The following OLFM2 variants were observed in gnomAD, a reference collection of about 807,000 sequenced individuals.
The protein encoded by OLFM2 is noelin-2.
OLFM2 carries 20 observed loss-of-function variants against 43.9 expected under a neutral mutation model. The observed-to-expected ratio is 0.46, with a 90% CI of 0.32 to 0.66. The LOEUF is 0.66. Ranked by LOEUF, OLFM2 falls within the 30% of genes least tolerant of loss-of-function variation. The pLI, the probability that OLFM2 is intolerant of heterozygous loss-of-function variation, is 0.04. For missense variants in OLFM2, 416 were observed against 643.6 expected (o/e 0.65, Z 3.83); for synonymous variants, 268 against 278.6 (o/e 0.96, Z 0.38).
intron 1 of OLFM2, among the ~76,000 whole-genome samples, chr19:9,888,447 C>CT (rs919616017): frequency 8.5e-4 from 42 of 49,192 alleles, no homozygotes; most frequent in Admixed American, 1.9e-3. Flanking sequence ...TCGCTTGAGC[C>CT]TGGGGGGCGG....
At chr19:9,899,389 G>A (rs966532587) in intron 1 of OLFM2, among the ~76,000 whole-genome samples, 1 of 152,014 alleles carries the variant, frequency 6.6e-6, no homozygotes, top group African/African-American at 2.4e-5. Flanking sequence ...TTTCCAGAGT[G>A]CACTATGCTT....
chr19:9,903,909 T>C (rs1298626781), intron 1 of OLFM2, among the ~76,000 whole-genome samples: 1 of 152,190 alleles, frequency 6.6e-6, no homozygotes, highest in Non-Finnish European at 1.5e-5. Flanking sequence ...CTTGTTATTC[T>C]ACTGAAGGTT....
intron 1 of OLFM2, among the ~76,000 whole-genome samples, chr19:9,863,134 G>A (rs1466564579): frequency 6.6e-6 from 1 of 152,098 alleles, no homozygotes; most frequent in Non-Finnish European, 1.5e-5. Flanking sequence ...GATGTCTGGG[G>A]AAGGGGTTCC....
chr19:9,893,132 G>C (rs1311532010), intron 1 of OLFM2, among the ~76,000 whole-genome samples: 1 of 151,900 alleles, frequency 6.6e-6, no homozygotes, highest in Non-Finnish European at 1.5e-5. Context: ...GTCTGTCATA[G>C]AGTCAAACCA....
intron 1 of OLFM2, among the ~76,000 whole-genome samples, chr19:9,863,852 C>T (rs773518970): frequency 1.4e-4 from 21 of 152,140 alleles, no homozygotes; most frequent in Non-Finnish European, 2.1e-4. Flanking sequence ...CATTCATAAA[C>T]GCCAGCTGAA....
intron 1 of OLFM2, among the ~76,000 whole-genome samples, chr19:9,909,658 CTT>C (rs1388856829): frequency 6.6e-6 from 1 of 152,184 alleles, no homozygotes; most frequent in African/African-American, 2.4e-5. Flanking sequence ...ATCCATACTG[CTT>C]TGTTTCCTGA....
At chr19:9,888,445 G>GC in intron 1 of OLFM2, among the ~76,000 whole-genome samples, 1 of 51,218 alleles carries the variant, frequency 2.0e-5, no homozygotes, top group African/African-American at 4.8e-5. Context: ...AATCGCTTGA[G>GC]CCTGGGGGGC....
In OLFM2 at chr19:9,921,235, A is replaced by G. The variant is rs116739039; in HGVS notation, c.63+15069T>C. On this transcript the variant is annotated intron_variant, in intron 1 of 5. Transcript: ENST00000264833. ...TGGCTCAAGCGATCCTTCTGCCTCA[A>G]CCTTCCGAGTAGCTGGGACTACAGT... Among the ~76,000 whole-genome samples, 1,381 of 151,592 alleles carry G rather than the reference A, an allele frequency of 9.1e-3. 29 individuals carry two copies. The highest frequency in any genetic ancestry group is 0.032 in the African/African-American group (1,314 of 41,340).
chr19:9,880,842 C>T (rs1273410560), intron 1 of OLFM2, among the ~76,000 whole-genome samples: 1 of 152,162 alleles, frequency 6.6e-6, no homozygotes, highest in Admixed American at 6.6e-5. Context: ...ACACACATTT[C>T]TGCAGCTTTG....
Position 9,895,981 on chromosome 19 carries a change from T to A in OLFM2, c.64-35187A>T, listed in dbSNP as rs561213182. 4.6e-5 allele frequency among the ~76,000 whole-genome samples: 7 copies of A among 152,238 alleles called. No homozygotes were observed. The South Asian group carries it at 1.5e-3, about 32-fold the overall frequency. On this transcript the variant is annotated intron_variant, in intron 1 of 5. Transcript: ENST00000264833. The stretch of plus-strand genomic sequence containing the variant: ...TGGTGGATTCCTTTTATTCTTAGGA[T>A]AGAGATAAAACTCCTTAATGTCGCC...
chr19:9,897,452 C>T (rs1461312606), intron 1 of OLFM2, among the ~76,000 whole-genome samples: 1 of 151,962 alleles, frequency 6.6e-6, no homozygotes, highest in Non-Finnish European at 1.5e-5. Context: ...GAGCTGGGAT[C>T]GCGCCACTGC....
chr19:9,878,435 G>A (rs1361228876), intron 1 of OLFM2, among the ~76,000 whole-genome samples: 1 of 133,890 alleles, frequency 7.5e-6, no homozygotes, highest in Non-Finnish European at 1.5e-5. Flanking sequence ...TGTCACCCGG[G>A]CTGGAGTGCA....
At chr19:9,933,026 C>A (rs1025454519) in intron 1 of OLFM2, among the ~76,000 whole-genome samples, 2 of 152,122 alleles carry the variant, frequency 1.3e-5, no homozygotes, top group Admixed American at 6.6e-5. Context: ...ACCTCTCCAG[C>A]CACACCAGCG....
At chr19:9,935,059 A>C (rs903186496) in intron 1 of OLFM2, among the ~76,000 whole-genome samples, 1 of 152,076 alleles carries the variant, frequency 6.6e-6, no homozygotes, top group Non-Finnish European at 1.5e-5. Flanking sequence ...GTTCAGTCCC[A>C]CCTCTGTCAC....
Position 9,936,453 on chromosome 19 carries a change from CCCGG to C in OLFM2, c.-91_-88del, listed in dbSNP as rs544945664. 5.2e-3 allele frequency: 5,083 copies of C among 983,064 alleles called. 63 individuals are homozygous for C. The highest frequency in any genetic ancestry group is 0.049 in the African/African-American group (2,756 of 56,784). The allele number at this position is 983,064 out of a possible 1,614,324, so 60.9% of individuals were successfully genotyped here. On this transcript the variant is annotated 5_prime_UTR_variant, in exon 1 of 6. Transcript: ENST00000264833. ...CCGCCACCAGGCGCGACCCCGCCCG[CCCGG>C]CCGGGGCGACCCTGCGCCGCCGCCT...
chr19:9,899,318 C>T (rs745771195), intron 1 of OLFM2, among the ~76,000 whole-genome samples: 1 of 151,994 alleles, frequency 6.6e-6, no homozygotes, highest in African/African-American at 2.4e-5. Context: ...CCAGAAGCCT[C>T]GAATGCAGTG....
rs374008492 is a variant in OLFM2, at chr19:9,860,883, C to T, written c.64-89G>A. On this transcript the variant is annotated intron_variant, in intron 1 of 5. Coordinates refer to ENST00000264833, the MANE Select transcript of OLFM2 (RefSeq NM_058164.4). ...ACAGGAAGGGGGCCCAAGGAAACCA[C>T]AGATGCCCTTTGCTGGGCTCCGGGC... is the stretch of plus-strand genomic sequence containing the variant. The T allele has an allele frequency of 3.0e-4, 409 of 1,380,650 alleles. 4 individuals carry two copies. In the South Asian group the frequency reaches 3.7e-3, roughly 13 times the overall value. 85.5% of individuals were successfully genotyped at this position (1,380,650 alleles called of 1,614,324 possible). A position where few individuals can be genotyped will look rare whatever the true frequency, so the allele number is the denominator to read the frequency against.
intron 1 of OLFM2, among the ~76,000 whole-genome samples, chr19:9,909,168 T>A (rs1342816072): frequency 1.3e-5 from 2 of 152,128 alleles, no homozygotes; most frequent in African/African-American, 4.8e-5. Context: ...ACTGCTCAGC[T>A]CCTCCTTATT....
Position 9,936,507 on chromosome 19 carries a change from T to G in OLFM2, c.-141A>C. ...TCCCCCGCCTCGCCGGCGGCCGGGA[T>G]TCCGCCCCACCCCCGCCCCCTCGCT... On this transcript the variant is annotated 5_prime_UTR_variant, in exon 1 of 6. Coordinates refer to ENST00000264833, the MANE Select transcript of OLFM2 (RefSeq NM_058164.4). The G allele has an allele frequency of 2.4e-6, 1 of 422,802 alleles. No individual in the cohort carries two copies. Among genetic ancestry groups the G allele is most frequent in the Non-Finnish European group, 3.1e-6 (1 of 319,240 alleles). 26.2% of individuals were successfully genotyped at this position (422,802 alleles called of 1,614,324 possible).
Sources: allele counts gnomAD v4.1 joint callset (sites outside exome capture counted in the v4.1 genomes callset), GRCh38; gene constraint gnomAD v4.1.1; transcripts MANE v1.5; gene names NCBI Gene and HGNC (gene_info 2026-07-23, HGNC 2026-07-21).